Variants in CHST11 observed in about 807,000 individuals in gnomAD.
The protein encoded by CHST11 is carbohydrate sulfotransferase 11.
Under a neutral mutation model 30.4 loss-of-function variants are expected in CHST11, and 9 were observed. The ratio of observed to expected loss-of-function variants is 0.30; its 90% CI spans 0.18 to 0.52. CHST11 has a LOEUF of 0.52. Among genes scored for constraint, CHST11 ranks in the 20% least tolerant of loss-of-function variants. The pLI, the probability that CHST11 is intolerant of heterozygous loss-of-function variation, is 0.97. For synonymous variants in CHST11, 152 were observed against 187.8 expected, an observed-to-expected ratio of 0.81 and a Z score of 1.56; for missense variants, 348 against 460.6, an observed-to-expected ratio of 0.76 and a Z score of 2.24.
chr12:104,743,565 A>G (rs1418892188), intron 2 of CHST11, among the ~76,000 whole-genome samples: 1 of 152,250 alleles, frequency 6.6e-6, no homozygotes, highest in African/African-American at 2.4e-5. Context: ...TTAAGAATAC[A>G]GAGATATCAC....
chr12:104,598,331 G>A (rs1187234930), intron 1 of CHST11, among the ~76,000 whole-genome samples: 2 of 152,152 alleles, frequency 1.3e-5, no homozygotes, highest in East Asian at 1.9e-4. Flanking sequence ...CAGCTTCTAG[G>A]GAGGGTCCGA....
intron 2 of CHST11, among the ~76,000 whole-genome samples, chr12:104,701,500 G>C (rs2136113425): frequency 6.6e-6 from 1 of 152,176 alleles, no homozygotes; most frequent in East Asian, 1.9e-4. Context: ...CAGTACGAGA[G>C]GCCCAGATCT....
intron 2 of CHST11, among the ~76,000 whole-genome samples, chr12:104,715,764 C>T (rs1202416506): frequency 6.6e-6 from 1 of 152,130 alleles, no homozygotes; most frequent in Non-Finnish European, 1.5e-5. Flanking sequence ...GGAAGCCTTG[C>T]CACCTTGCTG....
At chr12:104,707,408 T>A (rs1323978971) in intron 2 of CHST11, among the ~76,000 whole-genome samples, 5 of 152,160 alleles carry the variant, frequency 3.3e-5, no homozygotes, top group Non-Finnish European at 5.9e-5. Context: ...ATAGAAAAAA[T>A]AAAAAATAGC....
rs567104917 is a variant in CHST11, at chr12:104,742,771, C to T, written c.205-14178C>T. On this transcript the variant is annotated intron_variant, in intron 2 of 2. Coordinates refer to ENST00000303694, the MANE Select transcript of CHST11 (RefSeq NM_018413.6). ...CAAGTCCTTCCTGGGCAGCCCTTGG[C>T]GCCCTCCCCCTCCAGCGTGATTTGA... is the stretch of plus-strand genomic sequence containing the variant. Among the ~76,000 whole-genome samples, 34 of 152,342 alleles carry T rather than the reference C, an allele frequency of 2.2e-4. No individual in the cohort carries two copies. In the East Asian group the frequency reaches 2.3e-3, roughly 10 times the overall value.
intron 1 of CHST11, among the ~76,000 whole-genome samples, chr12:104,513,653 A>G (rs146500803): frequency 2.0e-5 from 3 of 152,320 alleles, no homozygotes; most frequent in Non-Finnish European, 4.4e-5. Flanking sequence ...CATCTGTGCC[A>G]TAAGATGGAT....
At chr12:104,755,875 G>C (rs74633192) in intron 2 of CHST11, among the ~76,000 whole-genome samples, 1 of 151,470 alleles carries the variant, frequency 6.6e-6, no homozygotes, top group African/African-American at 2.4e-5. Context: ...GAACGCTTGC[G>C]GCAAAGAGGA....
At chr12:104,561,306 G>T (rs1308132694) in intron 1 of CHST11, among the ~76,000 whole-genome samples, 1 of 152,186 alleles carries the variant, frequency 6.6e-6, no homozygotes, top group Admixed American at 6.5e-5. Flanking sequence ...CCACACTGAG[G>T]GTTGACCTTA....
chr12:104,626,510 G>A (rs1279280932), intron 2 of CHST11, among the ~76,000 whole-genome samples: 1 of 149,706 alleles, frequency 6.7e-6, no homozygotes, highest in Non-Finnish European at 1.5e-5. Context: ...ATGAAATCAT[G>A]TGTGAGAGAG....
At chr12:104,521,694 A>C (rs754578312) in intron 1 of CHST11, among the ~76,000 whole-genome samples, 3 of 152,214 alleles carry the variant, frequency 2.0e-5, no homozygotes, top group Admixed American at 6.5e-5. Context: ...TAACGGTGTC[A>C]AAGTACTTCA....
chr12:104,748,345 G>T (rs536244784), intron 2 of CHST11, among the ~76,000 whole-genome samples: 1 of 152,280 alleles, frequency 6.6e-6, no homozygotes, highest in African/African-American at 2.4e-5. Context: ...TGGTGTTATA[G>T]GGGTCGAATT....
chr12:104,555,596 C>T (rs1284251458), intron 1 of CHST11, among the ~76,000 whole-genome samples: 1 of 152,224 alleles, frequency 6.6e-6, no homozygotes, highest in Non-Finnish European at 1.5e-5. Flanking sequence ...CACTCCCTAG[C>T]TGTGGGATCT....
chr12:104,499,024 T>C (rs2135973017), intron 1 of CHST11, among the ~76,000 whole-genome samples: 1 of 152,326 alleles, frequency 6.6e-6, no homozygotes. Context: ...CTATTGCCAG[T>C]CCTCATTCTT....
chr12:104,476,281 G>A (rs10861223), intron 1 of CHST11, among the ~76,000 whole-genome samples: 19,711 of 149,424 alleles, frequency 0.13, 1,455 homozygotes, highest in South Asian at 0.19. Flanking sequence ...TACACATGTA[G>A]TATATACACA....
chr12:104,735,486 A>G (rs1181881250), intron 2 of CHST11, among the ~76,000 whole-genome samples: 1 of 152,190 alleles, frequency 6.6e-6, no homozygotes, highest in Admixed American at 6.5e-5. Context: ...AAAAGGGGAT[A>G]CCTGACTGAT....
chr12:104,616,430 A>G (rs1169063267), intron 2 of CHST11, among the ~76,000 whole-genome samples: 1 of 151,818 alleles, frequency 6.6e-6, no homozygotes, highest in Non-Finnish European at 1.5e-5. Flanking sequence ...AGAATTACAG[A>G]ATTGGCCCCC....
intron 2 of CHST11, among the ~76,000 whole-genome samples, chr12:104,680,699 G>A (rs957847447): frequency 1.1e-4 from 17 of 152,114 alleles, no homozygotes; most frequent in African/African-American, 3.6e-4. Context: ...TCCTCCTCTG[G>A]TATGTGCCCA....
At chr12:104,654,303 T>C (rs1450441558) in intron 2 of CHST11, among the ~76,000 whole-genome samples, 2 of 152,270 alleles carry the variant, frequency 1.3e-5, no homozygotes, top group African/African-American at 2.4e-5. Flanking sequence ...AAATTTTCCA[T>C]TGAGTCCTCT....
chr12:104,714,446 G>A lies in CHST11; in HGVS notation c.205-42503G>A, dbSNP rs117151175. ...GTTTTTCCCACCATAGTGGTGATCTGTCAGGGCTGGGGCAAAGGTCAGAAG... is the reference window on the plus strand; with the variant it reads ...GTTTTTCCCACCATAGTGGTGATCTATCAGGGCTGGGGCAAAGGTCAGAAG... On this transcript the variant is annotated intron_variant, in intron 2 of 2. Coordinates refer to ENST00000303694, the MANE Select transcript of CHST11 (RefSeq NM_018413.6). Among the ~76,000 whole-genome samples the A allele has an allele frequency of 2.2e-3, 338 of 152,296 alleles. 8 individuals are homozygous for A. In the East Asian group the frequency reaches 0.053, roughly 24 times the overall value.
Sources: allele counts gnomAD v4.1 joint callset (sites outside exome capture counted in the v4.1 genomes callset), GRCh38; gene constraint gnomAD v4.1.1; transcripts MANE v1.5; gene names NCBI Gene and HGNC (gene_info 2026-07-23, HGNC 2026-07-21).